BRD10: variants seen among roughly 807,000 people sequenced by gnomAD.
BRD10 encodes bromodomain containing 10, also known as uncharacterized bromodomain-containing protein 10.
the BRD10 span, among the ~76,000 whole-genome samples, chr9:5,900,322 T>C: frequency 6.6e-6 from 1 of 152,160 alleles, no homozygotes; most frequent in African/African-American, 2.4e-5. Flanking sequence ...GACTTTTTAT[T>C]GAGAGGGAAT....
the BRD10 span, among the ~76,000 whole-genome samples, chr9:5,960,429 G>A: frequency 6.6e-5 from 10 of 152,182 alleles, no homozygotes; most frequent in African/African-American, 2.4e-4. Context: ...GGACATGGTG[G>A]CACATGCCTG....
At chr9:5,920,921 A>C in the BRD10 span, 2 of 1,614,012 alleles carry the variant, frequency 1.2e-6, no homozygotes, top group African/African-American at 1.3e-5. Flanking sequence ...CAAAATAGGC[A>C]TAATTCTTGA....
the BRD10 span, among the ~76,000 whole-genome samples, chr9:5,985,162 A>C: frequency 6.6e-6 from 1 of 152,254 alleles, no homozygotes; most frequent in Non-Finnish European, 1.5e-5. Context: ...GTGAAAGAAT[A>C]GTTTTTGTTC....
At chr9:5,905,784 G>A in the BRD10 span, among the ~76,000 whole-genome samples, 1 of 152,130 alleles carries the variant, frequency 6.6e-6, no homozygotes. Flanking sequence ...TACAATTCCT[G>A]TCTTCCTGAA....
At chr9:5,978,167 A>G in the BRD10 span, among the ~76,000 whole-genome samples, 1 of 152,122 alleles carries the variant, frequency 6.6e-6, no homozygotes, top group Admixed American at 6.5e-5. Context: ...GGGCTGTGGC[A>G]TGTTTGCCTG....
chr9:5,932,063 G>A, the BRD10 span, among the ~76,000 whole-genome samples: 2 of 151,924 alleles, frequency 1.3e-5, no homozygotes, highest in Non-Finnish European at 2.9e-5. Context: ...AGAGTTGCAT[G>A]GTATACAATG....
At chr9:5,911,660 G>A in the BRD10 span, among the ~76,000 whole-genome samples, 2 of 151,032 alleles carry the variant, frequency 1.3e-5, no homozygotes, top group African/African-American at 2.4e-5. Context: ...TCAGCCTCCC[G>A]AGTAACTGGG....
At chr9:5,924,085 A>G in the BRD10 span, among the ~76,000 whole-genome samples, 61 of 152,338 alleles carry the variant, frequency 4.0e-4, no homozygotes, top group African/African-American at 1.4e-3. Context: ...CACAATATTA[A>G]GAACTTGTCA....
At chr9:5,905,149 T>C in the BRD10 span, among the ~76,000 whole-genome samples, 1 of 152,232 alleles carries the variant, frequency 6.6e-6, no homozygotes, top group African/African-American at 2.4e-5. Context: ...TCAAATCCAC[T>C]TTCAAATAAC....
the BRD10 span, among the ~76,000 whole-genome samples, chr9:5,939,521 C>T: frequency 1.3e-5 from 2 of 152,212 alleles, no homozygotes; most frequent in Non-Finnish European, 2.9e-5. Context: ...TTAACACAGA[C>T]ATTCACAAGT....
the BRD10 span, among the ~76,000 whole-genome samples, chr9:5,925,133 C>G: frequency 5.0e-4 from 76 of 152,014 alleles, no homozygotes; most frequent in Middle Eastern, 6.8e-3. Flanking sequence ...CCGAGGTAGG[C>G]AGACCTCTTG....
the BRD10 span, chr9:5,945,105 A>T: frequency 9.1e-6 from 4 of 441,754 alleles, no homozygotes; most frequent in Admixed American, 8.6e-5. Context: ...TGCAGTTTAT[A>T]TTTTAAAATA....
the BRD10 span, among the ~76,000 whole-genome samples, chr9:5,950,837 C>G: frequency 1.3e-5 from 2 of 152,034 alleles, no homozygotes; most frequent in Non-Finnish European, 2.9e-5. Flanking sequence ...CTCCCATATA[C>G]TTTAGGTCAT....
chr9:5,920,338 AG>A, the BRD10 span: 1 of 1,614,004 alleles, frequency 6.2e-7, no homozygotes, highest in Non-Finnish European at 8.5e-7. Flanking sequence ...TCTGAGTACC[AG>A]GTGCCAAAGG....
the BRD10 span, chr9:5,988,252 AT>A: frequency 1.7e-5 from 14 of 832,884 alleles, no homozygotes; most frequent in East Asian, 3.2e-4. Flanking sequence ...GTAACAATGC[AT>A]TTTAGAACAC....
chr9:5,912,191 C>G, the BRD10 span, among the ~76,000 whole-genome samples: 1 of 152,136 alleles, frequency 6.6e-6, no homozygotes, highest in Admixed American at 6.5e-5. Flanking sequence ...TGTTGGCATA[C>G]AGAAATGATA....
At chr9:5,898,587 T>G in the BRD10 span, among the ~76,000 whole-genome samples, 1 of 152,190 alleles carries the variant, frequency 6.6e-6, no homozygotes, top group Non-Finnish European at 1.5e-5. Flanking sequence ...CTGGATGTTG[T>G]GTGTAGCTAA....
the BRD10 span, chr9:6,007,993 G>A: frequency 4.4e-5 from 56 of 1,276,902 alleles, no homozygotes; most frequent in South Asian, 4.2e-4. Context: ...GGCGCGCGAG[G>A]AGGGGGGAGA....
chr9:5,966,305 C>G, the BRD10 span, among the ~76,000 whole-genome samples: 1 of 152,034 alleles, frequency 6.6e-6, no homozygotes. Flanking sequence ...ATTTTATAAA[C>G]CACTTTATTG....
Sources: gnomAD v4.1 joint callset for allele counts (sites outside exome capture counted in the v4.1 genomes callset) on GRCh38, gnomAD v4.1.1 for gene constraint, MANE v1.5 for transcripts, NCBI Gene and HGNC (gene_info 2026-07-23, HGNC 2026-07-21) for gene names.